CCDC171: variants seen among roughly 807,000 people sequenced by gnomAD.
CCDC171 encodes the protein coiled-coil domain-containing protein 171.
CCDC171 carries 177 observed loss-of-function variants against 168.2 expected under a neutral mutation model. The ratio of observed to expected loss-of-function variants is 1.05; its 90% CI spans 0.93 to 1.19. The LOEUF (loss-of-function observed/expected upper bound fraction) is 1.19. Ranked by LOEUF, CCDC171 falls within the 50% of genes most tolerant of loss-of-function variation. The pLI, the probability that CCDC171 is intolerant of heterozygous loss-of-function variation, is 0.00. For missense variants in CCDC171, 1,991 were observed against 1,539.0 expected (o/e 1.29, Z -4.91); for synonymous variants, 687 against 540.8 (o/e 1.27, Z -3.75).
At chr9:15,857,506 T>C (rs2061390184) in intron 23 of CCDC171, among the ~76,000 whole-genome samples, 1 of 152,006 alleles carries the variant, frequency 6.6e-6, no homozygotes, top group Non-Finnish European at 1.5e-5. Context: ...CACTGCAACC[T>C]CTGCCTCCTG....
intron 24 of CCDC171, among the ~76,000 whole-genome samples, chr9:15,905,284 T>C (rs1822388112): frequency 6.6e-6 from 1 of 152,144 alleles, no homozygotes; most frequent in South Asian, 2.1e-4. Context: ...AAAGCACTCC[T>C]CAGCAAATAT....
intron 4 of CCDC171, among the ~76,000 whole-genome samples, chr9:15,584,814 T>C (rs924175179): frequency 4.6e-5 from 7 of 152,182 alleles, no homozygotes; most frequent in Non-Finnish European, 7.3e-5. Flanking sequence ...GTTACACGAC[T>C]ACCTGGAATT....
At chr9:15,702,830 G>T (rs190375303) in intron 11 of CCDC171, among the ~76,000 whole-genome samples, 85 of 151,794 alleles carry the variant, frequency 5.6e-4, no homozygotes, top group Admixed American at 1.1e-3. Flanking sequence ...ATCTCTCCTA[G>T]CTTTCACCTT....
At chr9:15,938,474 A>G (rs1395118974) in intron 25 of CCDC171, among the ~76,000 whole-genome samples, 2 of 151,902 alleles carry the variant, frequency 1.3e-5, no homozygotes, top group African/African-American at 2.4e-5. Context: ...GACTGTATAT[A>G]AAGACTCACA....
chr9:15,797,366 G>A (rs911873543), intron 21 of CCDC171, among the ~76,000 whole-genome samples: 1 of 152,028 alleles, frequency 6.6e-6, no homozygotes, highest in Admixed American at 6.5e-5. Context: ...ACAGGCGCAT[G>A]CCACCATGCC....
chr9:16,029,696 G>C (rs527589913), intron 6 of CCDC171, among the ~76,000 whole-genome samples: 1 of 152,214 alleles, frequency 6.6e-6, no homozygotes, highest in Non-Finnish European at 1.5e-5. Context: ...GGAAAAGATA[G>C]GGTGATAAAT....
In CCDC171 at chr9:15,896,921, A is replaced by G. The variant is rs144813424; in HGVS notation, c.3600+22258A>G. Among the ~76,000 whole-genome samples, 252 of 152,238 alleles carry G rather than the reference A, an allele frequency of 1.7e-3. 7 individuals carry two copies. The East Asian group carries it at 0.046, about 27-fold the overall frequency. The stretch of plus-strand genomic sequence containing the variant: ...TAACGAAGGGAGAGGAACTTGGTTC[A>G]CTAAAATCCTAGTTTTTATATAAAA... On this transcript the variant is annotated intron_variant, in intron 24 of 25. Coordinates refer to ENST00000380701, the MANE Select transcript of CCDC171 (RefSeq NM_173550.4).
chr9:15,889,765 G>A (rs1388605246), intron 24 of CCDC171, among the ~76,000 whole-genome samples: 1 of 152,156 alleles, frequency 6.6e-6, no homozygotes, highest in Non-Finnish European at 1.5e-5. Flanking sequence ...ACATTCTAAT[G>A]TGTTCTCACT....
chr9:15,566,792 A>G (rs2039769117), intron 2 of CCDC171, among the ~76,000 whole-genome samples: 1 of 152,138 alleles, frequency 6.6e-6, no homozygotes. Flanking sequence ...TTTCTTCTAG[A>G]AGTTTTATAA....
At position 15,822,417 on chromosome 9, in the gene CCDC171, T is replaced by G. The variant is rs934489579; in HGVS notation, c.3268-24285T>G. On this transcript the variant is annotated intron_variant, in intron 21 of 25. Transcript: ENST00000380701. ...AGGCAACCTACAGAATGGGAGAAAA[T>G]TTTTGCAACCTACTCATCTGACAAA... Among the ~76,000 whole-genome samples, 9 of 150,874 alleles carry G rather than the reference T, an allele frequency of 6.0e-5. No homozygotes were observed. The East Asian group carries it at 1.4e-3, about 23-fold the overall frequency.
At chr9:16,100,804 C>T in the CCDC171 span, among the ~76,000 whole-genome samples, 2 of 152,150 alleles carry the variant, frequency 1.3e-5, no homozygotes, top group African/African-American at 4.8e-5. Flanking sequence ...AGGCGCCCCC[C>T]ACCCCGCCCC....
intron 24 of CCDC171, among the ~76,000 whole-genome samples, chr9:15,896,764 A>C (rs926457901): frequency 6.6e-6 from 1 of 152,074 alleles, no homozygotes; most frequent in Non-Finnish European, 1.5e-5. Context: ...ATAGCCTGTA[A>C]TAGTCATATA....
the CCDC171 span, among the ~76,000 whole-genome samples, chr9:16,093,768 A>G: frequency 6.6e-6 from 1 of 152,188 alleles, no homozygotes; most frequent in African/African-American, 2.4e-5. Flanking sequence ...CCAGCTAACC[A>G]ACATAAGTGA....
intron 2 of CCDC171, among the ~76,000 whole-genome samples, chr9:15,566,752 C>CCTAA (rs1398404711): frequency 1.3e-5 from 2 of 152,108 alleles, no homozygotes; most frequent in African/African-American, 4.8e-5. Context: ...CTCTGACTAA[C>CCTAA]CTAAGGTCAT....
chr9:16,066,421 G>A (rs183589911), downstream of CCDC171, among the ~76,000 whole-genome samples: 35 of 151,690 alleles, frequency 2.3e-4, no homozygotes, highest in East Asian at 1.9e-3. Context: ...ACCTATAACC[G>A]TGAAGTCACG....
chr9:15,713,430 A>G (rs1394575346), intron 11 of CCDC171, among the ~76,000 whole-genome samples: 1 of 152,086 alleles, frequency 6.6e-6, no homozygotes, highest in East Asian at 1.9e-4. Flanking sequence ...AATCTGGACT[A>G]CTTGCTCATA....
At chr9:15,871,411 CT>C (rs1291320632) in intron 23 of CCDC171, among the ~76,000 whole-genome samples, 1 of 151,806 alleles carries the variant, frequency 6.6e-6, no homozygotes, top group African/African-American at 2.4e-5. Flanking sequence ...AGACAGGTGA[CT>C]GCTGGTGAAT....
intron 25 of CCDC171, among the ~76,000 whole-genome samples, chr9:15,969,969 A>G (rs539459813): frequency 6.6e-6 from 1 of 152,332 alleles, no homozygotes; most frequent in East Asian, 1.9e-4. Flanking sequence ...CATTAATACT[A>G]CTAATCAGGG....
At chr9:15,913,336 C>T (rs769472314) in intron 24 of CCDC171, among the ~76,000 whole-genome samples, 90 of 152,160 alleles carry the variant, frequency 5.9e-4, no homozygotes, top group Admixed American at 7.2e-4. Flanking sequence ...ATAGTATTCT[C>T]TGATGGTAGT....
Sources: allele counts gnomAD v4.1 joint callset (sites outside exome capture counted in the v4.1 genomes callset), GRCh38; gene constraint gnomAD v4.1.1; transcripts MANE v1.5; gene names NCBI Gene and HGNC (gene_info 2026-07-23, HGNC 2026-07-21).